The following CSNK1A1 variants were observed in gnomAD, a reference collection of about 807,000 sequenced individuals.
The protein encoded by CSNK1A1 is casein kinase 1 alpha 1, also known as casein kinase I isoform alpha.
A neutral mutation model predicts 46.1 loss-of-function variants in CSNK1A1; 7 were observed. That is an observed-to-expected ratio of 0.15 (90% CI 0.09 to 0.29). The LOEUF is 0.29. Ranked by LOEUF, CSNK1A1 falls within the 10% of genes least tolerant of loss-of-function variation. CSNK1A1 has a pLI of 1.00. For synonymous variants in CSNK1A1, 137 were observed against 141.5 expected (o/e 0.97, Z 0.23); for missense variants, 96 against 417.1 (o/e 0.23, Z 6.71).
chr5:149,533,742 T>C (rs1761966460), intron 2 of CSNK1A1, among the ~76,000 whole-genome samples: 1 of 151,390 alleles, frequency 6.6e-6, no homozygotes, highest in African/African-American at 2.4e-5. Flanking sequence ...CCAACATTGA[T>C]AGTGGTGGTA....
At chr5:149,549,649 A>G (rs1022250263) in intron 2 of CSNK1A1, 1 of 638,382 alleles carries the variant, frequency 1.6e-6, no homozygotes, top group African/African-American at 1.8e-5. Context: ...ACAACAAAAG[A>G]GCAGCCATTT....
At chr5:149,506,028 G>A (rs982848453) in intron 8 of CSNK1A1, among the ~76,000 whole-genome samples, 1 of 152,046 alleles carries the variant, frequency 6.6e-6, no homozygotes, top group Non-Finnish European at 1.5e-5. Flanking sequence ...GCAGGTTCAA[G>A]CAATTCTCCT....
chr5:149,538,023 T>G (rs536971951), intron 2 of CSNK1A1, among the ~76,000 whole-genome samples: 26 of 139,234 alleles, frequency 1.9e-4, no homozygotes, highest in African/African-American at 7.0e-4. Flanking sequence ...AGTTTTTTTT[T>G]TTTTTTTTTT....
intron 2 of CSNK1A1, chr5:149,529,753 T>C (rs1213010235): frequency 2.2e-6 from 1 of 456,144 alleles, no homozygotes; most frequent in East Asian, 6.9e-5. Flanking sequence ...TACTACAGTT[T>C]GTGGCTGAGA....
intron 4 of CSNK1A1, among the ~76,000 whole-genome samples, chr5:149,516,176 C>T (rs1042167974): frequency 2.0e-5 from 3 of 152,044 alleles, no homozygotes; most frequent in East Asian, 1.9e-4. Context: ...AAAAATTAGC[C>T]GGGCATGGTG....
intron 2 of CSNK1A1, among the ~76,000 whole-genome samples, chr5:149,532,650 T>C (rs1761939435): frequency 1.3e-5 from 2 of 152,128 alleles, no homozygotes; most frequent in Non-Finnish European, 2.9e-5. Flanking sequence ...GATCACGCCA[T>C]TGCACTCCAG....
chr5:149,548,531 C>A (rs1431757982), intron 2 of CSNK1A1, among the ~76,000 whole-genome samples: 3 of 149,412 alleles, frequency 2.0e-5, no homozygotes, highest in Admixed American at 6.7e-5. Flanking sequence ...TGCGCCACTG[C>A]ACTCTAGCCT....
chr5:149,513,530 G>A (rs2113093980), intron 4 of CSNK1A1, among the ~76,000 whole-genome samples: 1 of 152,310 alleles, frequency 6.6e-6, no homozygotes, highest in Middle Eastern at 3.4e-3. Flanking sequence ...GAAGCAACAA[G>A]TGTGCTATCT....
At position 149,525,208 on chromosome 5, in the gene CSNK1A1, A is replaced by G; in HGVS notation, c.231-37T>C. On this transcript the variant is annotated intron_variant, in intron 2 of 9. Transcript: ENST00000377843. The surrounding 1 kb of genome is among the most constrained non-coding windows in gnomAD (Gnocchi z 4.2). ...AAAGGAGAAGAGAGGATATTACAAAAAGCTATTACTTAATATCATCAACCC... is the reference window on the plus strand; with the variant it reads ...AAAGGAGAAGAGAGGATATTACAAAGAGCTATTACTTAATATCATCAACCC... The G allele has an allele frequency of 6.4e-7, 1 of 1,551,356 alleles. No individual in the cohort carries two copies. Among genetic ancestry groups the G allele is most frequent in the Non-Finnish European group, 8.7e-7 (1 of 1,152,038 alleles).
intron 4 of CSNK1A1, among the ~76,000 whole-genome samples, chr5:149,519,764 A>G (rs972279102): frequency 6.6e-6 from 1 of 152,204 alleles, no homozygotes; most frequent in Non-Finnish European, 1.5e-5. Flanking sequence ...AAGCAGGCCC[A>G]AAAGTTACCC....
chr5:149,505,374 C>A, intron 9 of CSNK1A1, 73 bp downstream of exon 9: 1 of 1,553,380 alleles, frequency 6.4e-7, no homozygotes, highest in Non-Finnish European at 8.7e-7. Context: ...TGATCTAACA[C>A]TGTTAGAAAT....
At chr5:149,541,928 G>A (rs1042128856) in intron 2 of CSNK1A1, among the ~76,000 whole-genome samples, 2 of 125,002 alleles carry the variant, frequency 1.6e-5, no homozygotes, top group Non-Finnish European at 3.1e-5. Context: ...TCAAGATCAC[G>A]CCATTGCATC....
At chr5:149,512,203 A>G (rs981164773) in intron 5 of CSNK1A1, among the ~76,000 whole-genome samples, 2 of 152,128 alleles carry the variant, frequency 1.3e-5, no homozygotes, top group African/African-American at 4.8e-5. Flanking sequence ...AACTCATTAA[A>G]AAAAAACTTC....
intron 9 of CSNK1A1, chr5:149,498,793 AT>A: frequency 1.0e-6 from 1 of 985,458 alleles, no homozygotes; most frequent in South Asian, 4.7e-5. Flanking sequence ...GAAAACCACC[AT>A]CACTAACAAA....
chr5:149,529,766 T>C (rs1761833038), intron 2 of CSNK1A1: 3 of 456,202 alleles, frequency 6.6e-6, no homozygotes, highest in Non-Finnish European at 1.3e-5. Context: ...GGCTGAGACA[T>C]AATTAAAATC....
chr5:149,519,972 T>C (rs1433252980), intron 4 of CSNK1A1, among the ~76,000 whole-genome samples: 1 of 152,216 alleles, frequency 6.6e-6, no homozygotes, highest in Non-Finnish European at 1.5e-5. Context: ...TGGGGGTTTT[T>C]GCTATTTTTG....
rs1055378818 is a variant in CSNK1A1 at position 149,493,204 on chromosome 5, G to A, written c.*3649C>T. On this transcript the variant is annotated 3_prime_UTR_variant, in exon 10 of 10. Transcript: ENST00000377843. ...TTCTGCCTCAGCCTCTTGAAAAGCTGGGATTACAGGCGCCCGCCACCACAC... is the reference window on the plus strand; with the variant it reads ...TTCTGCCTCAGCCTCTTGAAAAGCTAGGATTACAGGCGCCCGCCACCACAC... The A allele has an allele frequency of 3.9e-5, 6 of 152,204 alleles. No homozygotes were observed. The highest frequency in any genetic ancestry group is 1.2e-4 in the African/African-American group (5 of 41,414). 9.4% of individuals were successfully genotyped at this position (152,204 alleles called of 1,614,324 possible).
At chr5:149,541,257 A>C (rs1762220658) in intron 2 of CSNK1A1, among the ~76,000 whole-genome samples, 2 of 151,428 alleles carry the variant, frequency 1.3e-5, no homozygotes, top group African/African-American at 4.9e-5. Flanking sequence ...GGATCAAGCA[A>C]TTCTCCTGTC....
intron 6 of CSNK1A1, among the ~76,000 whole-genome samples, chr5:149,510,887 T>C (rs1300986124): frequency 6.6e-6 from 1 of 152,210 alleles, no homozygotes; most frequent in Non-Finnish European, 1.5e-5. Context: ...GTTAACTGTA[T>C]AAGTCACAAT....
Sources: gnomAD v4.1 joint callset for allele counts (sites outside exome capture counted in the v4.1 genomes callset) on GRCh38, gnomAD v4.1.1 for gene constraint, Gnocchi (gnomAD v3.1) non-coding constraint, MANE v1.5 for transcripts, NCBI Gene and HGNC (gene_info 2026-07-23, HGNC 2026-07-21) for gene names.